Variants in CSF2RA observed in about 807,000 individuals in gnomAD.
CSF2RA encodes granulocyte-macrophage colony-stimulating factor receptor subunit alpha.
Under a neutral mutation model 51.6 loss-of-function variants are expected in CSF2RA, and 42 were observed. That is an observed-to-expected ratio of 0.81 (90% CI 0.64 to 1.05). CSF2RA has a LOEUF of 1.05. Among genes scored for constraint, CSF2RA ranks in the 50% least tolerant of loss-of-function variants. CSF2RA has a pLI of 0.00. For synonymous variants in CSF2RA, 222 were observed against 193.0 expected, an observed-to-expected ratio of 1.15 and a Z score of -1.24; for missense variants, 530 against 501.1, an observed-to-expected ratio of 1.06 and a Z score of -0.55.
the CSF2RA span, among the ~76,000 whole-genome samples, chrX:1,321,779 G>A: frequency 6.6e-6 from 1 of 152,104 alleles, no homozygotes; most frequent in African/African-American, 2.4e-5. Context: ...GTCCACATCA[G>A]GCAACTCAGA....
intron 4 of CSF2RA, among the ~76,000 whole-genome samples, chrX:1,287,531 C>A (rs1226118186): frequency 6.7e-6 from 1 of 149,512 alleles, no homozygotes; most frequent in African/African-American, 2.5e-5. Flanking sequence ...GCAACCTGTG[C>A]CTCCTGGGTT....
intron 7 of CSF2RA, among the ~76,000 whole-genome samples, chrX:1,291,681 G>C (rs73618039): frequency 0.031 from 4,687 of 150,078 alleles, 251 homozygotes; most frequent in African/African-American, 0.11. Flanking sequence ...CCCTGCCCCA[G>C]TGGGTATCTC....
the CSF2RA span, among the ~76,000 whole-genome samples, chrX:1,320,160 G>A: frequency 6.6e-6 from 1 of 152,068 alleles, no homozygotes; most frequent in Middle Eastern, 3.2e-3. Flanking sequence ...CTCCCAAAGT[G>A]CTGGGATTAC....
intron 7 of CSF2RA, among the ~76,000 whole-genome samples, chrX:1,292,428 C>G (rs1395836808): frequency 1.3e-5 from 2 of 152,128 alleles, no homozygotes; most frequent in Admixed American, 6.6e-5. Flanking sequence ...TACGGAGGAC[C>G]TGCACCGGTC....
At chrX:1,309,091 C>T (rs754224897) in intron 12 of CSF2RA, among the ~76,000 whole-genome samples, 76 of 151,958 alleles carry the variant, frequency 5.0e-4, no homozygotes, top group Non-Finnish European at 9.1e-4. Context: ...TAGCTGGTGG[C>T]GGCTAAAGGG....
chrX:1,285,693 C>T lies in CSF2RA; in HGVS notation c.77-85C>T, dbSNP rs1403703321. Reference sequence around the variant, plus strand: ...CTCCAGCCTGGGAGACAAAGCCAGACTCCGTCTCAAAAAAAAAAAAAAAAA... The same window carrying T: ...CTCCAGCCTGGGAGACAAAGCCAGATTCCGTCTCAAAAAAAAAAAAAAAAA... On this transcript the variant is annotated intron_variant, in intron 3 of 12. Coordinates refer to ENST00000381529, the MANE Select transcript of CSF2RA (RefSeq NM_172245.4). 2.2e-5 allele frequency: 30 copies of T among 1,379,150 alleles called. No individual in the cohort carries two copies. In the African/African-American group the frequency reaches 3.6e-4, roughly 16 times the overall value. The allele number at this position is 1,379,150 out of a possible 1,614,324, so 85.4% of individuals were successfully genotyped here. A position where few individuals can be genotyped will look rare whatever the true frequency, so the allele number is the denominator to read the frequency against.
chrX:1,324,560 A>G, the CSF2RA span, among the ~76,000 whole-genome samples: 98,518 of 145,000 alleles, frequency 0.68, 35,184 homozygotes, highest in East Asian at 0.87. Context: ...GAAAGGAAAG[A>G]AAAGAAGGAA....
In CSF2RA at chrX:1,285,892, A is replaced by G. The variant is rs150743648; in HGVS notation, c.191A>G (p.Asp64Gly). 808 of 1,613,860 alleles carry G rather than the reference A, an allele frequency of 5.0e-4. No homozygotes were observed. The highest frequency in any genetic ancestry group is 1.6e-3 in the Admixed American group (97 of 59,978). The change falls in exon 4 of 13, where the codon GAC (aspartate) becomes GGC (glycine). Residue 64 changes from aspartate to glycine, a missense_variant. Physicochemically the swap from Asp to Gly is moderately conservative, Grantham distance 94. Transcript: ENST00000381529. ...NTTFSKCFLT[D>G]KKNRVVEPRL... The stretch of plus-strand genomic sequence containing the variant: ...ACCTTCAGCAAGTGTTTCTTAACTG[A>G]CAAGAAGAACAGAGTCGTGGAACCC...
intron 11 of CSF2RA, 37 bp from the exon 12 acceptor site, chrX:1,305,409 G>A (rs762676612): frequency 8.7e-6 from 14 of 1,611,676 alleles, no homozygotes; most frequent in Non-Finnish European, 1.2e-5. Flanking sequence ...TGGTGACCCG[G>A]GGTTCATTCT....
intron 1 of CSF2RA, among the ~76,000 whole-genome samples, chrX:1,269,359 G>A (rs1347601750): frequency 1.3e-5 from 2 of 152,112 alleles, no homozygotes; most frequent in Non-Finnish European, 2.9e-5. Flanking sequence ...GGTGGCTCAC[G>A]CCTGTAATCC....
intron 7 of CSF2RA, among the ~76,000 whole-genome samples, chrX:1,292,110 C>G (rs193266964): frequency 0.013 from 1,985 of 150,972 alleles, 42 homozygotes; most frequent in African/African-American, 0.046. Flanking sequence ...CCACCTGGAC[C>G]CAGTGTAGAC....
downstream of CSF2RA, among the ~76,000 whole-genome samples, chrX:1,310,701 G>T (rs1319216131): frequency 9.2e-5 from 14 of 151,392 alleles, no homozygotes; most frequent in African/African-American, 3.4e-4. Context: ...ATTGTACAGT[G>T]CCAGGCCTCC....
chrX:1,280,667 TTCC>T (rs1202323924), intron 2 of CSF2RA, among the ~76,000 whole-genome samples: 39 of 139,030 alleles, frequency 2.8e-4, no homozygotes, highest in Non-Finnish European at 5.3e-4. Context: ...CTTCCTCCTC[TTCC>T]TCCTCCTCCT....
chrX:1,323,523 C>A, the CSF2RA span, among the ~76,000 whole-genome samples: 3 of 152,106 alleles, frequency 2.0e-5, no homozygotes, highest in Non-Finnish European at 4.4e-5. Context: ...CAAGGACCTC[C>A]CAGCAGCTCT....
intron 7 of CSF2RA, chrX:1,293,860 AG>A: frequency 2.5e-6 from 1 of 395,982 alleles, no homozygotes; most frequent in Non-Finnish European, 4.8e-6. Flanking sequence ...CAGTGTAGAC[AG>A]GAGGAGACCC....
At chrX:1,320,581 T>TC in the CSF2RA span, among the ~76,000 whole-genome samples, 1 of 147,398 alleles carries the variant, frequency 6.8e-6, no homozygotes, top group Non-Finnish European at 1.5e-5. Flanking sequence ...CACTGCAACC[T>TC]CTGCCTCCAG....
intron 3 of CSF2RA, 53 bp downstream of exon 3, chrX:1,282,832 T>A: frequency 1.4e-6 from 2 of 1,446,958 alleles, no homozygotes; most frequent in South Asian, 2.3e-5. Flanking sequence ...TTAGATGTCC[T>A]GCATCTGGAG....
intron 1 of CSF2RA, among the ~76,000 whole-genome samples, chrX:1,272,805 T>TTC (rs1278404718): frequency 1.5e-5 from 2 of 135,460 alleles, no homozygotes; most frequent in Non-Finnish European, 3.1e-5. Flanking sequence ...CTTTTTCTTT[T>TTC]TTTTTTTCTT....
intron 12 of CSF2RA, chrX:1,305,906 C>A: frequency 1.1e-6 from 1 of 916,158 alleles, no homozygotes; most frequent in South Asian, 1.6e-5. Flanking sequence ...CGTGGTGAAA[C>A]CCCATCTCTG....
Sources: gnomAD v4.1 joint callset for allele counts (sites outside exome capture counted in the v4.1 genomes callset) on GRCh38, gnomAD v4.1.1 for gene constraint, MANE v1.5 for transcripts, NCBI Gene and HGNC (gene_info 2026-07-23, HGNC 2026-07-21) for gene names.